SNTG1: variants seen among roughly 807,000 people sequenced by gnomAD.
SNTG1 encodes the protein gamma-1-syntrophin.
Under a neutral mutation model 74.7 loss-of-function variants are expected in SNTG1, and 39 were observed. The observed-to-expected ratio is 0.52, with a 90% CI of 0.40 to 0.68. The LOEUF is 0.68. SNTG1 is among the 30% of genes least tolerant of loss of function. The probability of loss-of-function intolerance (pLI) is 0.00; values close to 1 mark genes in which losing one functional copy is unlikely to be tolerated. For missense variants in SNTG1, 685 were observed against 609.5 expected, an observed-to-expected ratio of 1.12 and a Z score of -1.30; for synonymous variants, 254 against 217.1, an observed-to-expected ratio of 1.17 and a Z score of -1.49.
At chr8:49,994,052 T>A (rs978231479) in intron 1 of SNTG1, among the ~76,000 whole-genome samples, 2 of 152,102 alleles carry the variant, frequency 1.3e-5, no homozygotes, top group African/African-American at 4.8e-5. Flanking sequence ...GTTTATTGAA[T>A]TTTACTACAA....
intron 12 of SNTG1, among the ~76,000 whole-genome samples, chr8:50,588,444 C>T (rs1347433533): frequency 6.6e-6 from 1 of 152,122 alleles, no homozygotes; most frequent in African/African-American, 2.4e-5. Flanking sequence ...TTTGGTTACC[C>T]GCCTTCCATT....
At chr8:50,642,220 C>T (rs188226995) in intron 13 of SNTG1, among the ~76,000 whole-genome samples, 5 of 152,234 alleles carry the variant, frequency 3.3e-5, no homozygotes, top group East Asian at 1.9e-4. Flanking sequence ...CAAAATAGAT[C>T]GAGTTAAACT....
At chr8:49,962,875 G>A (rs552797152) in intron 1 of SNTG1, among the ~76,000 whole-genome samples, 45 of 152,348 alleles carry the variant, frequency 3.0e-4, no homozygotes, top group African/African-American at 1.1e-3. Flanking sequence ...TTATAGGCAT[G>A]AGCCACTGCG....
At chr8:50,631,563 C>T (rs1020559239) in intron 13 of SNTG1, among the ~76,000 whole-genome samples, 1 of 152,118 alleles carries the variant, frequency 6.6e-6, no homozygotes, top group Non-Finnish European at 1.5e-5. Flanking sequence ...AGGGGGTGAT[C>T]ACATGTTATA....
intron 1 of SNTG1, among the ~76,000 whole-genome samples, chr8:50,087,236 A>C (rs1822976085): frequency 6.6e-6 from 1 of 152,172 alleles, no homozygotes; most frequent in Non-Finnish European, 1.5e-5. Flanking sequence ...TAGAGATATA[A>C]TAAGGTCTCT....
At chr8:50,098,498 G>T (rs746829171) in intron 1 of SNTG1, among the ~76,000 whole-genome samples, 23 of 152,122 alleles carry the variant, frequency 1.5e-4, no homozygotes, top group Non-Finnish European at 1.9e-4. Flanking sequence ...AGATAAGTAT[G>T]CAGGAGGATG....
At chr8:50,027,054 T>C (rs1817329498) in intron 1 of SNTG1, among the ~76,000 whole-genome samples, 1 of 152,136 alleles carries the variant, frequency 6.6e-6, no homozygotes, top group Admixed American at 6.6e-5. Flanking sequence ...TAGCCTCCTT[T>C]CTTTTGAGTA....
intron 1 of SNTG1, chr8:49,915,148 T>A (rs1043899456): frequency 2.0e-5 from 3 of 152,282 alleles, no homozygotes; most frequent in African/African-American, 7.2e-5. Context: ...CAGCTGAATT[T>A]TTCTTCCTTA....
intron 17 of SNTG1, among the ~76,000 whole-genome samples, chr8:50,714,149 G>A (rs1482877501): frequency 6.6e-6 from 1 of 151,668 alleles, no homozygotes; most frequent in African/African-American, 2.4e-5. Context: ...GACTGTAGAT[G>A]TGTGGTGTTA....
chr8:50,562,642 T>C (rs2094495117), intron 12 of SNTG1, among the ~76,000 whole-genome samples: 1 of 152,192 alleles, frequency 6.6e-6, no homozygotes, highest in East Asian at 1.9e-4. Context: ...TTTGTAGGAA[T>C]TTGATATGAC....
At chr8:50,466,895 T>C (rs1433866559) in intron 8 of SNTG1, among the ~76,000 whole-genome samples, 1 of 152,042 alleles carries the variant, frequency 6.6e-6, no homozygotes, top group East Asian at 1.9e-4. Context: ...TACCTTGCTA[T>C]ACTTCTTCAT....
chr8:50,552,292 A>C (rs1297589971), intron 11 of SNTG1, among the ~76,000 whole-genome samples: 1 of 152,218 alleles, frequency 6.6e-6, no homozygotes, highest in Non-Finnish European at 1.5e-5. Flanking sequence ...CATTGAAGCT[A>C]TATGAAACAC....
intron 4 of SNTG1, among the ~76,000 whole-genome samples, chr8:50,436,747 C>G (rs1472622971): frequency 1.3e-5 from 2 of 152,128 alleles, no homozygotes; most frequent in African/African-American, 4.8e-5. Context: ...AATTATTCGA[C>G]AGATTGCATT....
chr8:50,150,633 C>T (rs1366444189), intron 1 of SNTG1, among the ~76,000 whole-genome samples: 1 of 152,128 alleles, frequency 6.6e-6, no homozygotes, highest in Non-Finnish European at 1.5e-5. Context: ...AAGGCCTTTT[C>T]TGCATCTGTT....
At chr8:49,933,113 T>C (rs1807745364) in intron 1 of SNTG1, among the ~76,000 whole-genome samples, 1 of 152,194 alleles carries the variant, frequency 6.6e-6, no homozygotes, top group Non-Finnish European at 1.5e-5. Flanking sequence ...TGAACGTATG[T>C]TTTCAATTTT....
rs528276140 is a variant in SNTG1 at position 50,366,339 on chromosome 8, C to G, written c.-27-27873C>G. ...GTCAGCACAGAACTGCATCTTTACC[C>G]AATAGCCTTTTTACTACGCTGTGCA... On this transcript the variant is annotated intron_variant, in intron 2 of 18. Coordinates refer to ENST00000642720, the MANE Select transcript of SNTG1 (RefSeq NM_018967.5). Among the ~76,000 whole-genome samples the G allele has an allele frequency of 2.0e-5, 3 of 152,246 alleles. No homozygotes were observed. The East Asian group carries it at 5.8e-4, about 29-fold the overall frequency.
chr8:50,472,387 G>A lies in SNTG1; in HGVS notation c.363+21658G>A, dbSNP rs186076525. Among the ~76,000 whole-genome samples the A allele has an allele frequency of 4.6e-5, 7 of 152,182 alleles. No individual in the cohort carries two copies. In the East Asian group the frequency reaches 5.8e-4, roughly 13 times the overall value. ...GAAGAGAATAGTTAGCTCAGTAAAC[G>A]ATTTTAAATAACATTTTAAAGACCA... On this transcript the variant is annotated intron_variant, in intron 8 of 18. Transcript: ENST00000642720.
At chr8:50,316,329 G>T (rs543460065) in intron 2 of SNTG1, among the ~76,000 whole-genome samples, 1 of 152,080 alleles carries the variant, frequency 6.6e-6, no homozygotes, top group South Asian at 2.1e-4. Context: ...ATGTCATACC[G>T]TGTGACCACA....
chr8:50,017,082 T>C (rs1816391403), intron 1 of SNTG1, among the ~76,000 whole-genome samples: 1 of 152,104 alleles, frequency 6.6e-6, no homozygotes, highest in African/African-American at 2.4e-5. Context: ...AAAGTGAATC[T>C]TTCAAACTGA....
Sources: gnomAD v4.1 joint callset for allele counts (sites outside exome capture counted in the v4.1 genomes callset) on GRCh38, gnomAD v4.1.1 for gene constraint, MANE v1.5 for transcripts, NCBI Gene and HGNC (gene_info 2026-07-23, HGNC 2026-07-21) for gene names.